SFSWAP: variants seen among roughly 807,000 people sequenced by gnomAD.
SFSWAP encodes splicing factor SWAP.
A neutral mutation model predicts 100.7 loss-of-function variants in SFSWAP; 17 were observed. The ratio of observed to expected loss-of-function variants is 0.17; its 90% CI spans 0.12 to 0.25. The LOEUF (loss-of-function observed/expected upper bound fraction) is 0.25. Among genes scored for constraint, SFSWAP ranks in the 10% least tolerant of loss-of-function variants. SFSWAP has a pLI of 1.00. For synonymous variants in SFSWAP, 504 were observed against 510.1 expected (o/e 0.99, Z 0.16); for missense variants, 1,005 against 1,262.6 (o/e 0.80, Z 3.09).
In SFSWAP at chr12:131,764,451, A is replaced by G; in HGVS notation, c.1721-5A>G. The G allele has an allele frequency of 1.2e-6, 2 of 1,611,426 alleles. 1 individual carries two copies. Among genetic ancestry groups the G allele is most frequent in the South Asian group, 2.2e-5 (2 of 90,984 alleles). On this transcript the variant is annotated splice_polypyrimidine_tract_variant and splice_region_variant and intron_variant, in intron 11 of 17. Coordinates refer to ENST00000261674, the MANE Select transcript of SFSWAP (RefSeq NM_004592.4). ...TGTATCATAATTCTCACCTTTCCTC[A>G]ATAGCTTCCTTTGCTCCAATAAGCT...
chr12:131,754,325 G>T, intron 8 of SFSWAP, 43 bp from the exon 9 acceptor site: 1 of 1,456,378 alleles, frequency 6.9e-7, no homozygotes, highest in Non-Finnish European at 9.1e-7. Context: ...TGAGCTTGGC[G>T]AGCCCCTGAA....
At chr12:131,740,880 G>A (rs966889225) in intron 7 of SFSWAP, among the ~76,000 whole-genome samples, 1 of 151,552 alleles carries the variant, frequency 6.6e-6, no homozygotes, top group Non-Finnish European at 1.5e-5. Flanking sequence ...GCTGCAGATG[G>A]TTGTAGACCC....
In SFSWAP at chr12:131,790,424, G is replaced by A. The variant is rs901766636; in HGVS notation, c.2534+3836G>A. ...TTTGAAAATCCAGATGTGGACGTAT[G>A]AGGAATTTTTAGGAGTAAAATTTGG... On this transcript the variant is annotated intron_variant, in intron 15 of 17. Transcript: ENST00000261674. Among the ~76,000 whole-genome samples, 6 of 152,328 alleles carry A rather than the reference G, an allele frequency of 3.9e-5. 1 individual carries two copies. The South Asian group carries it at 1.2e-3, about 32-fold the overall frequency.
At position 131,714,163 on chromosome 12, in the gene SFSWAP, C is replaced by T. The variant is rs779096009; in HGVS notation, c.311C>T (p.Ala104Val). The T allele has an allele frequency of 9.9e-6, 16 of 1,613,742 alleles. No individual in the cohort carries two copies. The highest frequency in any genetic ancestry group is 6.7e-5 in the Admixed American group (4 of 59,986). Reference protein sequence around the residue: ...NRDYQLSEEEARIEALCDEER... With the variant: ...NRDYQLSEEEVRIEALCDEER... Reference sequence around the variant, plus strand: ...GATTATCAGCTGTCTGAAGAGGAGGCGCGAATAGAGGCCCTGTGTGATGAA... The same window carrying T: ...GATTATCAGCTGTCTGAAGAGGAGGTGCGAATAGAGGCCCTGTGTGATGAA... Residue 104 changes from alanine to valine, a missense_variant, in exon 2 of 18, where the codon GCG becomes GTG. Ala to Val is a moderately conservative substitution (Grantham distance 64, BLOSUM62 0). Around this residue, in one of 7 missense-constraint regions of SFSWAP, gnomAD observed 237 missense variants for 337.0 expected, o/e 0.70. Transcript: ENST00000261674. This position sits in a 1 kb window ranked among gnomAD's most constrained non-coding sequence, Gnocchi z 6.0.
chr12:131,797,380 A>G lies in SFSWAP; in HGVS notation c.2717+20A>G. On this transcript the variant is annotated intron_variant, in intron 16 of 17. Transcript: ENST00000261674. Reference sequence around the variant, plus strand: ...CTCCAGGTAACCCCTGTCCTCCAGCAGCTCTCTCTGGGGAAAGGCAAGGGG... The same window carrying G: ...CTCCAGGTAACCCCTGTCCTCCAGCGGCTCTCTCTGGGGAAAGGCAAGGGG... 1 of 1,591,776 alleles carries G rather than the reference A, an allele frequency of 6.3e-7. No homozygotes were observed. Among genetic ancestry groups the G allele is most frequent in the Non-Finnish European group, 8.6e-7 (1 of 1,168,114 alleles).
chr12:131,799,471 C>G lies in SFSWAP; in HGVS notation c.2839C>G (p.Gln947Glu). 1 of 1,614,084 alleles carries G rather than the reference C, an allele frequency of 6.2e-7. No homozygotes were observed. The highest frequency in any genetic ancestry group is 8.5e-7 in the Non-Finnish European group (1 of 1,179,944). The change falls in exon 18 of 18, where the codon CAA (glutamine) becomes GAA (glutamate). Residue 947 changes from glutamine to glutamate, a missense_variant. Physicochemically the swap from Gln to Glu is conservative, Grantham distance 29. Transcript: ENST00000261674. ...RAMLAASKNL[Q>E]TSAS Reference sequence around the variant, plus strand: ...GATGCTTGCAGCTTCCAAAAACCTGCAAACCAGCGCTTCCTGAGACGGGGC... The same window carrying G: ...GATGCTTGCAGCTTCCAAAAACCTGGAAACCAGCGCTTCCTGAGACGGGGC...
At chr12:131,717,062 C>T (rs1877986859) in intron 3 of SFSWAP, among the ~76,000 whole-genome samples, 1 of 152,116 alleles carries the variant, frequency 6.6e-6, no homozygotes, top group East Asian at 1.9e-4. Context: ...TAGAGCTTGA[C>T]ATTTCGTGTT....
At position 131,711,644 on chromosome 12, in the gene SFSWAP, C is replaced by G; in HGVS notation, c.218+197C>G. The G allele has an allele frequency of 1.7e-6, 1 of 580,104 alleles. No homozygotes were observed. Among genetic ancestry groups the G allele is most frequent in the Non-Finnish European group, 3.1e-6 (1 of 325,988 alleles). The allele number at this position is 580,104 out of a possible 1,614,324, so 35.9% of individuals were successfully genotyped here. On this transcript the variant is annotated intron_variant, in intron 1 of 17. Coordinates refer to ENST00000261674, the MANE Select transcript of SFSWAP (RefSeq NM_004592.4). The surrounding 1 kb of genome is among the most constrained non-coding windows in gnomAD (Gnocchi z 4.9). ...GGTGAAACCTGCCCTAAGGCACTGG[C>G]TGGAATTGCGTGCCGCGTCCGTCTC...
intron 15 of SFSWAP, among the ~76,000 whole-genome samples, chr12:131,792,566 C>T (rs1055024615): frequency 4.0e-5 from 6 of 151,670 alleles, no homozygotes; most frequent in African/African-American, 1.5e-4. Flanking sequence ...GTTCACAGAT[C>T]AGTACTGGTG....
At chr12:131,727,498 TAGCC>T (rs1310703839) in intron 6 of SFSWAP, among the ~76,000 whole-genome samples, 8 of 152,192 alleles carry the variant, frequency 5.3e-5, no homozygotes, top group African/African-American at 1.2e-4. Context: ...ATACAAAAAT[TAGCC>T]AGGCGTGGTG....
At chr12:131,798,873 G>C (rs1160231566) in intron 16 of SFSWAP, among the ~76,000 whole-genome samples, 164 bp from the exon 17 acceptor site, 1 of 151,940 alleles carries the variant, frequency 6.6e-6, no homozygotes, top group African/African-American at 2.4e-5. Flanking sequence ...CTGGGTGACA[G>C]AGTGAAACTC....
At chr12:131,762,220 G>A (rs1208328558) in intron 11 of SFSWAP, among the ~76,000 whole-genome samples, 5 of 151,826 alleles carry the variant, frequency 3.3e-5, no homozygotes, top group African/African-American at 4.8e-5. Flanking sequence ...GCGACAGAGC[G>A]AGACTCCGTC....
intron 11 of SFSWAP, among the ~76,000 whole-genome samples, chr12:131,763,403 C>T (rs1882840542): frequency 6.6e-6 from 1 of 152,182 alleles, no homozygotes; most frequent in African/African-American, 2.4e-5. Flanking sequence ...TTTTAAAATA[C>T]TGTATCTTAT....
chr12:131,768,559 T>G (rs532533481), intron 13 of SFSWAP, among the ~76,000 whole-genome samples: 2 of 152,286 alleles, frequency 1.3e-5, no homozygotes, highest in African/African-American at 4.8e-5. Context: ...GATGAGTTTG[T>G]GTGAGACCCT....
At chr12:131,732,218 T>C (rs1392538276) in intron 7 of SFSWAP, among the ~76,000 whole-genome samples, 1 of 152,166 alleles carries the variant, frequency 6.6e-6, no homozygotes, top group East Asian at 1.9e-4. Flanking sequence ...CGTGTTGCTA[T>C]TATACTTAAG....
At chr12:131,751,985 A>G (rs984851323) in intron 7 of SFSWAP, among the ~76,000 whole-genome samples, 1 of 152,204 alleles carries the variant, frequency 6.6e-6, no homozygotes, top group African/African-American at 2.4e-5. Flanking sequence ...GCTAGAGAAC[A>G]ACGGTTTAGG....
intron 15 of SFSWAP, among the ~76,000 whole-genome samples, chr12:131,789,754 T>C (rs1333159950): frequency 6.6e-6 from 1 of 151,906 alleles, no homozygotes; most frequent in African/African-American, 2.4e-5. Flanking sequence ...ACAGTTGGGC[T>C]TCGTCTTGCT....
intron 11 of SFSWAP, among the ~76,000 whole-genome samples, chr12:131,763,202 C>T (rs970693918): frequency 6.6e-6 from 1 of 152,142 alleles, no homozygotes; most frequent in Admixed American, 6.6e-5. Flanking sequence ...GAAGGACCTC[C>T]GCCAGGGGCC....
chr12:131,727,951 A>G (rs1347976804), intron 6 of SFSWAP, among the ~76,000 whole-genome samples: 1 of 152,198 alleles, frequency 6.6e-6, no homozygotes, highest in East Asian at 1.9e-4. Flanking sequence ...TGGAAAAGCT[A>G]TTGGTGATTA....
Sources: allele counts gnomAD v4.1 joint callset (sites outside exome capture counted in the v4.1 genomes callset), GRCh38; gene constraint gnomAD v4.1.1; regional missense constraint gnomAD v4.1.1; non-coding constraint Gnocchi (gnomAD v3.1); transcripts MANE v1.5; gene names NCBI Gene and HGNC (gene_info 2026-07-23, HGNC 2026-07-21).